Variants in BICRAL observed in about 807,000 individuals in gnomAD.
BICRAL encodes the protein BRD4-interacting chromatin-remodeling complex-associated protein-like.
BICRAL carries 8 observed loss-of-function variants against 91.8 expected under a neutral mutation model. That is an observed-to-expected ratio of 0.09 (90% CI 0.05 to 0.16). The LOEUF is 0.16. Among genes scored for constraint, BICRAL ranks in the 10% least tolerant of loss-of-function variants. The pLI, the probability that BICRAL is intolerant of heterozygous loss-of-function variation, is 1.00. For synonymous variants in BICRAL, 445 were observed against 491.1 expected, an observed-to-expected ratio of 0.91 and a Z score of 1.24; for missense variants, 1,038 against 1,310.9, an observed-to-expected ratio of 0.79 and a Z score of 3.21.
intron 2 of BICRAL, among the ~76,000 whole-genome samples, chr6:42,816,201 A>C (rs1472938772): frequency 6.7e-6 from 1 of 148,150 alleles, no homozygotes; most frequent in Non-Finnish European, 1.5e-5. Context: ...CTACCAAAAA[A>C]AAATGAAAAA....
At chr6:42,783,945 T>C (rs1763021950) in intron 1 of BICRAL, among the ~76,000 whole-genome samples, 1 of 152,160 alleles carries the variant, frequency 6.6e-6, no homozygotes, top group African/African-American at 2.4e-5. Flanking sequence ...TTATTGAAAG[T>C]AGAGTCCAAC....
Position 42,866,486 on chromosome 6 carries a change from T to G in BICRAL, c.*1040T>G, listed in dbSNP as rs1765713551. ...AACAAATACCAAGCATCAAAAGCAC[T>G]TTCATTTGAAAATTATTATGTTGTA... On this transcript the variant is annotated 3_prime_UTR_variant, in exon 13 of 13. Coordinates refer to ENST00000314073, the MANE Select transcript of BICRAL (RefSeq NM_001393499.1). 2 of 177,830 alleles carry G rather than the reference T, an allele frequency of 1.1e-5. No homozygotes were observed. The highest frequency in any genetic ancestry group is 4.7e-5 in the African/African-American group (2 of 42,330). 11.0% of individuals were successfully genotyped at this position (177,830 alleles called of 1,614,324 possible).
chr6:42,783,957 A>G (rs555453444), intron 1 of BICRAL, among the ~76,000 whole-genome samples: 2 of 152,094 alleles, frequency 1.3e-5, no homozygotes, highest in South Asian at 4.2e-4. Context: ...GAGTCCAACC[A>G]GGTTACAAAA....
intron 10 of BICRAL, among the ~76,000 whole-genome samples, chr6:42,858,253 C>T (rs539947948): frequency 3.4e-4 from 52 of 151,206 alleles, no homozygotes; most frequent in African/African-American, 1.0e-3. Context: ...CAGTGGCTCA[C>T]GTCTGTAATC....
At chr6:42,773,957 G>A (rs1391230329) in intron 1 of BICRAL, among the ~76,000 whole-genome samples, 3 of 152,220 alleles carry the variant, frequency 2.0e-5, no homozygotes, top group Non-Finnish European at 2.9e-5. Context: ...GTAAATGATT[G>A]TTTTGGAATT....
At chr6:42,815,119 G>A (rs1030992189) in intron 2 of BICRAL, among the ~76,000 whole-genome samples, 15 of 151,114 alleles carry the variant, frequency 9.9e-5, no homozygotes, top group African/African-American at 3.4e-4. Flanking sequence ...CACCATGTTG[G>A]CCAGGCTGTT....
chr6:42,826,347 G>A (rs1764301977), intron 5 of BICRAL, among the ~76,000 whole-genome samples: 1 of 149,420 alleles, frequency 6.7e-6, no homozygotes, highest in South Asian at 2.1e-4. Flanking sequence ...CAATTCTCCT[G>A]CCTCAGTCTC....
chr6:42,753,433 A>C (rs528953415), intron 1 of BICRAL, among the ~76,000 whole-genome samples: 1 of 152,160 alleles, frequency 6.6e-6, no homozygotes, highest in African/African-American at 2.4e-5. Context: ...TGGGATGGTC[A>C]TGGAAAGCTT....
chr6:42,790,152 T>C (rs539604395), intron 1 of BICRAL, among the ~76,000 whole-genome samples: 5 of 152,090 alleles, frequency 3.3e-5, no homozygotes, highest in Non-Finnish European at 5.9e-5. Context: ...GAAATAAGCA[T>C]TGAGTTTCAT....
intron 1 of BICRAL, among the ~76,000 whole-genome samples, chr6:42,793,762 C>CTTTTTT (rs70990140): frequency 2.0e-5 from 2 of 99,240 alleles, no homozygotes; most frequent in Admixed American, 1.2e-4. Flanking sequence ...CTCAAGATGA[C>CTTTTTT]TTTTTTTTTT....
chr6:42,800,830 A>G (rs748426156), intron 1 of BICRAL, among the ~76,000 whole-genome samples: 2 of 152,306 alleles, frequency 1.3e-5, no homozygotes, highest in African/African-American at 4.8e-5. Context: ...TGTTATTTTC[A>G]TAGGGTTTAT....
At position 42,830,739 on chromosome 6, in the gene BICRAL, C is replaced by T. The variant is rs182852161; in HGVS notation, c.1839+567C>T. Reference sequence around the variant, plus strand: ...CAGATGATCTTCCCACCTCAGCCTCCCAGGTAGCTGTGACTACAAGCACAT... The same window carrying T: ...CAGATGATCTTCCCACCTCAGCCTCTCAGGTAGCTGTGACTACAAGCACAT... On this transcript the variant is annotated intron_variant, in intron 6 of 12. Transcript: ENST00000314073. 9.9e-5 allele frequency among the ~76,000 whole-genome samples: 15 copies of T among 152,186 alleles called. No homozygotes were observed. The East Asian group carries it at 2.9e-3, about 29-fold the overall frequency.
chr6:42,771,394 T>A (rs776959858), intron 1 of BICRAL, among the ~76,000 whole-genome samples: 1 of 151,808 alleles, frequency 6.6e-6, no homozygotes, highest in Non-Finnish European at 1.5e-5. Context: ...CTTTTCTCAT[T>A]TGTTTGTGTT....
chr6:42,803,472 T>G (rs1485266941), intron 1 of BICRAL, among the ~76,000 whole-genome samples: 1 of 152,208 alleles, frequency 6.6e-6, no homozygotes, highest in East Asian at 1.9e-4. Context: ...CCAAATCCTG[T>G]GCTGTACCAT....
At chr6:42,776,780 G>A (rs775159329) in intron 1 of BICRAL, among the ~76,000 whole-genome samples, 9 of 152,162 alleles carry the variant, frequency 5.9e-5, no homozygotes, top group South Asian at 2.1e-4. Flanking sequence ...CCAAAATCAC[G>A]TGGCTAAAAA....
intron 1 of BICRAL, among the ~76,000 whole-genome samples, chr6:42,785,077 T>C (rs1341672499): frequency 6.6e-6 from 1 of 152,238 alleles, no homozygotes; most frequent in Non-Finnish European, 1.5e-5. Context: ...TTGTTTTTCC[T>C]CTTGTAGCTG....
intron 1 of BICRAL, among the ~76,000 whole-genome samples, chr6:42,748,162 T>C (rs1328856993): frequency 6.6e-6 from 1 of 151,050 alleles, no homozygotes. Flanking sequence ...ACTGTGGGTC[T>C]GAAAGCTGGT....
At chr6:42,790,532 C>G (rs1051618489) in intron 1 of BICRAL, among the ~76,000 whole-genome samples, 1 of 151,270 alleles carries the variant, frequency 6.6e-6, no homozygotes, top group African/African-American at 2.4e-5. Context: ...CACCCCCCCC[C>G]CACCTTCTTT....
At chr6:42,774,173 G>A (rs1762779311) in intron 1 of BICRAL, among the ~76,000 whole-genome samples, 2 of 152,176 alleles carry the variant, frequency 1.3e-5, no homozygotes, top group East Asian at 1.9e-4. Flanking sequence ...GGGGTTTGGA[G>A]GAGGAGAGGT....
Sources: allele counts gnomAD v4.1 joint callset (sites outside exome capture counted in the v4.1 genomes callset), GRCh38; gene constraint gnomAD v4.1.1; transcripts MANE v1.5; gene names NCBI Gene and HGNC (gene_info 2026-07-23, HGNC 2026-07-21).